The following EEF2 variants were observed in gnomAD, a reference collection of about 807,000 sequenced individuals.
EEF2 encodes the protein eukaryotic translation elongation factor 2.
In EEF2, 21 loss-of-function variants were observed where a neutral mutation model predicts 85.3. That is an observed-to-expected ratio of 0.25 (90% CI 0.17 to 0.35). EEF2 has a LOEUF of 0.35. Ranked by LOEUF, EEF2 falls within the 10% of genes least tolerant of loss-of-function variation. The pLI is 1.00. For missense variants in EEF2, 825 were observed against 1,225.3 expected (o/e 0.67, Z 4.88); for synonymous variants, 723 against 508.8 (o/e 1.42, Z -5.67).
At chr19:3,981,064 G>A (rs1371976909) in intron 7 of EEF2, 85 bp from the exon 8 acceptor site, 3 of 1,494,992 alleles carry the variant, frequency 2.0e-6, no homozygotes, top group African/African-American at 1.4e-5. Flanking sequence ...TTGAAGCCAA[G>A]GAAGCCAAAG....
At position 3,984,064 on chromosome 19, in the gene EEF2, C is replaced by T. The variant is rs574292808; in HGVS notation, c.218+72G>A. 4.5e-6 allele frequency: 7 copies of T among 1,555,862 alleles called. 1 individual carries two copies. In the East Asian group the frequency reaches 1.4e-4, roughly 30 times the overall value. On this transcript the variant is annotated intron_variant, in intron 2 of 14. Transcript: ENST00000309311. ...ACGTTGCCAAGTCTCTCCCCGCGCA[C>T]CCTGGCCCAGTGGCCTCCAGCTGCC...
In EEF2 at chr19:3,981,548, G is replaced by A. The variant is rs536902671; in HGVS notation, c.898-96C>T. The A allele has an allele frequency of 6.2e-5, 73 of 1,169,870 alleles. 1 individual carries two copies. The highest frequency in any genetic ancestry group is 2.3e-4 in the East Asian group (10 of 42,830). The allele number at this position is 1,169,870 out of a possible 1,614,324, so 72.5% of individuals were successfully genotyped here. A position where few individuals can be genotyped will look rare whatever the true frequency, so the allele number is the denominator to read the frequency against. ...CTTGGAAGACTCAGGTCAGCGCAGG[G>A]GGACGCAGCACGGGAGCAGGAGCAG... On this transcript the variant is annotated intron_variant, in intron 6 of 14. Coordinates refer to ENST00000309311, the MANE Select transcript of EEF2 (RefSeq NM_001961.4).
chr19:3,980,443 G>A (rs747490490), intron 9 of EEF2, 71 bp downstream of exon 9: 4 of 1,515,138 alleles, frequency 2.6e-6, no homozygotes, highest in East Asian at 4.5e-5. Context: ...CCCGACTGAG[G>A]AGCCCAAGAC....
At position 3,982,659 on chromosome 19, in the gene EEF2, C is replaced by T. The variant is rs746125831; in HGVS notation, c.612+148G>A. 2.1e-4 allele frequency: 232 copies of T among 1,116,680 alleles called. 3 individuals carry two copies. Among genetic ancestry groups the T allele is most frequent in the Admixed American group, 6.2e-4 (31 of 50,084 alleles). 69.2% of individuals were successfully genotyped at this position (1,116,680 alleles called of 1,614,324 possible). On this transcript the variant is annotated intron_variant, in intron 4 of 14. Transcript: ENST00000309311. ...CCAAAGATCAAGGGCTGGGTCAAGT[C>T]GGATGAAAACATTCCAGCCCCCTTC...
At chr19:3,985,207 G>A (rs2039804772) in intron 1 of EEF2, 171 bp downstream of exon 1, 2 of 674,670 alleles carry the variant, frequency 3.0e-6, no homozygotes, top group Admixed American at 4.4e-5. Context: ...TCGGTGAACA[G>A]CGCGGCGCAC....
rs1203345632 is a variant in EEF2 at position 3,981,462 on chromosome 19, C to CAAGAATGTACAAA, written c.898-11_898-10insTTTGTACATTCTT. 6.2e-7 allele frequency: 1 copy of CAAGAATGTACAAA among 1,611,528 alleles called. No individual in the cohort carries two copies. The highest frequency in any genetic ancestry group is 8.5e-7 in the Non-Finnish European group (1 of 1,178,508). On this transcript the variant is annotated splice_polypyrimidine_tract_variant and intron_variant, in intron 6 of 14. Transcript: ENST00000309311. ...TGATCGCATCAAACACCTACATTCCCCACCAAGAAACAAGAAAGCCCATTT... is the reference window on the plus strand; with the variant it reads ...TGATCGCATCAAACACCTACATTCCCAAGAATGTACAAACACCAAGAAACAAGAAAGCCCATTT...
At chr19:3,981,286 C>T (rs890509239) in intron 7 of EEF2, 53 bp downstream of exon 7, 15 of 1,559,556 alleles carry the variant, frequency 9.6e-6, no homozygotes, top group East Asian at 4.5e-5. Context: ...TCAGAGCATC[C>T]GGAAACAGCA....
chr19:3,979,495 G>A, intron 10 of EEF2, 59 bp from the exon 11 acceptor site: 1 of 1,453,186 alleles, frequency 6.9e-7, no homozygotes, highest in Non-Finnish European at 9.5e-7. Context: ...GCGGGACCAG[G>A]CTCCCAGCTT....
intron 10 of EEF2, 108 bp from the exon 11 acceptor site, chr19:3,979,544 G>A (rs944361437): frequency 3.8e-6 from 4 of 1,065,998 alleles, no homozygotes; most frequent in Non-Finnish European, 5.5e-6. Context: ...AGATTTCAGG[G>A]AAGGTGCTGG....
intron 6 of EEF2, 94 bp from the exon 7 acceptor site, chr19:3,981,546 G>C: frequency 8.5e-7 from 1 of 1,177,392 alleles, no homozygotes; most frequent in South Asian, 1.3e-5. Context: ...GGTCAGCGCA[G>C]GGGGACGCAG....
chr19:3,980,376 A>T, intron 9 of EEF2, 138 bp downstream of exon 9: 1 of 1,167,122 alleles, frequency 8.6e-7, no homozygotes, highest in Non-Finnish European at 1.2e-6. Flanking sequence ...TAAGAACAAA[A>T]GTTGTGGCTG....
Position 3,977,416 on chromosome 19 carries a change from G to T in EEF2, c.2250+12C>A. ...ACGGTGGCAGGGTCAGCGGTGGGCG[G>T]GTAGACCTCACCTGGATCTCCACAA... On this transcript the variant is annotated intron_variant, in intron 13 of 14. Coordinates refer to ENST00000309311, the MANE Select transcript of EEF2 (RefSeq NM_001961.4). This position sits in a 1 kb window ranked among gnomAD's most constrained non-coding sequence, Gnocchi z 5.4. The T allele has an allele frequency of 6.3e-7, 1 of 1,584,506 alleles. No homozygotes were observed. The highest frequency in any genetic ancestry group is 1.1e-5 in the South Asian group (1 of 87,586).
In EEF2 at chr19:3,980,577, C is replaced by T; in HGVS notation, c.1283G>A (p.Arg428Lys). 2 of 1,614,256 alleles carry T rather than the reference C, an allele frequency of 1.2e-6. No homozygotes were observed. Among genetic ancestry groups the T allele is most frequent in the South Asian group, 1.1e-5 (1 of 91,088 alleles). Residue 428 changes from arginine to lysine, a missense_variant, in exon 9 of 15, where the codon AGG (arginine) becomes AAG (lysine). Transcript: ENST00000309311. ...SGLVSTGLKV[R>K]IMGPNYTPGK... The stretch of plus-strand genomic sequence containing the variant: ...AGGGGTATAGTTGGGCCCCATGATC[C>T]TGACCTTCAGGCCAGTGGAGACCAG...
In EEF2 at chr19:3,977,548, G is replaced by A. The variant is rs776826199; in HGVS notation, c.2130C>T (p.His710=). 7.6e-6 allele frequency: 12 copies of A among 1,585,666 alleles called. No individual in the cohort carries two copies. Among genetic ancestry groups the A allele is most frequent in the Admixed American group, 5.2e-5 (3 of 57,400 alleles). Residue 710 remains histidine (H), a synonymous_variant, in exon 13 of 15, where the codon CAC becomes CAT. Transcript: ENST00000309311. The surrounding 1 kb of genome is among the most constrained non-coding windows in gnomAD (Gnocchi z 5.4). ...CCCCTCCGCGGTGGATGGCGTCGGC[G>A]TGCAGGGTGACGTCGTGGACGTCGA... ...VRFDVHDVTL[H]ADAIHRGGGQ...
At chr19:3,978,648 G>A (rs1201230843) in intron 11 of EEF2, among the ~76,000 whole-genome samples, 3 of 148,186 alleles carry the variant, frequency 2.0e-5, no homozygotes, top group South Asian at 2.1e-4. Flanking sequence ...TACTAAAAAT[G>A]CAAAAAATTA....
intron 1 of EEF2, 151 bp downstream of exon 1, chr19:3,985,227 G>T: frequency 4.8e-6 from 4 of 835,682 alleles, no homozygotes; most frequent in South Asian, 3.7e-5. Context: ...CAGACATGGC[G>T]GCGGCCGCTT....
chr19:3,976,475 G>C lies in EEF2; in HGVS notation c.*79C>G. ...GTCGCTGTGTCGGGACAGTCTCCAG[G>C]TGTCGTCTGAGAATTCGAGGACGTG... On this transcript the variant is annotated 3_prime_UTR_variant, in exon 15 of 15. Coordinates refer to ENST00000309311, the MANE Select transcript of EEF2 (RefSeq NM_001961.4). 3 of 1,499,290 alleles carry C rather than the reference G, an allele frequency of 2.0e-6. No individual in the cohort carries two copies. The highest frequency in any genetic ancestry group is 2.7e-6 in the Non-Finnish European group (3 of 1,111,442). The allele number at this position is 1,499,290 out of a possible 1,614,324, so 92.9% of individuals were successfully genotyped here. A position where few individuals can be genotyped will look rare whatever the true frequency, so the allele number is the denominator to read the frequency against.
chr19:3,980,475 AAC>A, intron 9 of EEF2, 37 bp downstream of exon 9: 1 of 1,588,308 alleles, frequency 6.3e-7, no homozygotes. Context: ...CAGGGCCCGC[AAC>A]AGTGCCAAGG....
rs575523824 is a variant in EEF2, at chr19:3,982,325, C to T, written c.712G>A (p.Ala238Thr). The T allele has an allele frequency of 8.7e-6, 14 of 1,614,144 alleles. No individual in the cohort carries two copies. Among genetic ancestry groups the T allele is most frequent in the African/African-American group, 5.3e-5 (4 of 75,054 alleles). ...FAEMYVAKFA[A>T]KGEGQLGPAE... ...GGCCCCAACTGGCCCTCCCCCTTGG[C>T]GGCGAACTTGGCCACATACATCTCG... is the stretch of plus-strand genomic sequence containing the variant. Residue 238 changes from alanine (A) to threonine (T), a missense_variant, in exon 5 of 15, where the codon GCC becomes ACC. Physicochemically the swap from Ala to Thr is moderately conservative, Grantham distance 58. Transcript: ENST00000309311.
Sources: gnomAD v4.1 joint callset for allele counts (sites outside exome capture counted in the v4.1 genomes callset) on GRCh38, gnomAD v4.1.1 for gene constraint, Gnocchi (gnomAD v3.1) non-coding constraint, MANE v1.5 for transcripts, NCBI Gene and HGNC (gene_info 2026-07-23, HGNC 2026-07-21) for gene names.